The following SH3KBP1 variants were observed in gnomAD, a reference collection of about 807,000 sequenced individuals.
SH3KBP1 encodes the protein SH3 domain containing kinase binding protein 1, also known as SH3 domain-containing kinase-binding protein 1.
A neutral mutation model predicts 50.1 loss-of-function variants in SH3KBP1; 8 were observed. The observed-to-expected ratio is 0.16, with a 90% CI of 0.09 to 0.29. SH3KBP1 has a LOEUF of 0.29. Among genes scored for constraint, SH3KBP1 ranks in the 10% least tolerant of loss-of-function variants. SH3KBP1 has a pLI of 1.00. For missense variants in SH3KBP1, 377 were observed against 535.2 expected, an observed-to-expected ratio of 0.70 and a Z score of 2.92; for synonymous variants, 227 against 218.6, an observed-to-expected ratio of 1.04 and a Z score of -0.34.
At chrX:19,784,246 T>C (rs1005670429) in intron 2 of SH3KBP1, among the ~76,000 whole-genome samples, 2 of 112,102 alleles carry the variant, frequency 1.8e-5, no homozygotes, top group African/African-American at 6.5e-5. Context: ...CATGGTAAGA[T>C]TACCATTAAG....
intron 12 of SH3KBP1, among the ~76,000 whole-genome samples, chrX:19,583,125 CATTATTATTATTATTATT>C (rs200762944): frequency 0.019 from 1,797 of 95,119 alleles, 49 homozygotes; most frequent in African/African-American, 0.062. Flanking sequence ...TGCTAATACA[CATTATTATTATTATTATT>C]ATTATTATTA....
intron 1 of SH3KBP1, among the ~76,000 whole-genome samples, chrX:19,851,816 C>G (rs1024453184): frequency 8.9e-6 from 1 of 112,220 alleles, no homozygotes; most frequent in Non-Finnish European, 1.9e-5. Flanking sequence ...GGATTACAGG[C>G]ATGAGCCACC....
intron 2 of SH3KBP1, among the ~76,000 whole-genome samples, chrX:19,783,146 G>C (rs574816597): frequency 8.9e-6 from 1 of 111,744 alleles, no homozygotes; most frequent in South Asian, 3.7e-4. Flanking sequence ...TGACCATTGA[G>C]TCTCACTGAC....
At chrX:19,843,268 C>T (rs1036952110) in intron 1 of SH3KBP1, among the ~76,000 whole-genome samples, 4 of 109,874 alleles carry the variant, frequency 3.6e-5, no homozygotes, top group Non-Finnish European at 7.6e-5. Flanking sequence ...GATCTACCCA[C>T]CTCGGCCTCC....
chrX:19,707,574 C>T (rs1445804161), intron 3 of SH3KBP1, among the ~76,000 whole-genome samples: 1 of 111,257 alleles, frequency 9.0e-6, no homozygotes. Context: ...TGTCCTCTTC[C>T]CTCTGTCCCA....
chrX:19,774,659 AAAGAAAGAAAGAAAGAAAGAAAG>A (rs1569466400), intron 2 of SH3KBP1, among the ~76,000 whole-genome samples: 515 of 37,248 alleles, frequency 0.014, 8 homozygotes, highest in African/African-American at 0.019. Flanking sequence ...AAAAAAAAAG[AAAGAAAGAAAGAAAGAAAGAAAG>A]AAAGAAAGAA....
At chrX:19,798,180 G>A (rs1226973105) in intron 2 of SH3KBP1, among the ~76,000 whole-genome samples, 1 of 110,611 alleles carries the variant, frequency 9.0e-6, no homozygotes, top group African/African-American at 3.3e-5. Flanking sequence ...GACCTCCCAG[G>A]CTCAGTCAAT....
intron 4 of SH3KBP1, among the ~76,000 whole-genome samples, chrX:19,700,428 T>C (rs2063513057): frequency 8.9e-6 from 1 of 111,976 alleles, no homozygotes; most frequent in South Asian, 3.7e-4. Flanking sequence ...CAAACGCCCA[T>C]TGTAGCCAAC....
chrX:19,873,296 A>G (rs766159406), intron 1 of SH3KBP1, among the ~76,000 whole-genome samples: 17 of 99,878 alleles, frequency 1.7e-4, no homozygotes, highest in South Asian at 4.3e-4. Flanking sequence ...ATATGTATAT[A>G]TATATATATA....
At chrX:19,564,724 C>T (rs2065786957) in intron 13 of SH3KBP1, among the ~76,000 whole-genome samples, 1 of 112,106 alleles carries the variant, frequency 8.9e-6, no homozygotes. Flanking sequence ...CTCCAGGGAA[C>T]ACAAGTTGCA....
At chrX:19,625,831 C>T (rs1456808277) in intron 8 of SH3KBP1, among the ~76,000 whole-genome samples, 1 of 111,792 alleles carries the variant, frequency 8.9e-6, no homozygotes, top group Non-Finnish European at 1.9e-5. Context: ...ACTCCACCCG[C>T]AGTTACCACC....
At chrX:19,764,428 T>C (rs1179127452) in intron 2 of SH3KBP1, among the ~76,000 whole-genome samples, 1 of 111,457 alleles carries the variant, frequency 9.0e-6, no homozygotes, top group African/African-American at 3.3e-5. Flanking sequence ...AAATTTCCCC[T>C]GACTCTGACC....
intron 2 of SH3KBP1, among the ~76,000 whole-genome samples, chrX:19,793,649 C>A (rs1193437899): frequency 8.9e-6 from 1 of 111,743 alleles, no homozygotes; most frequent in Non-Finnish European, 1.9e-5. Flanking sequence ...TACTAATGAA[C>A]ACACACTTAG....
chrX:19,865,384 C>T (rs1482721609), intron 1 of SH3KBP1, among the ~76,000 whole-genome samples: 3 of 111,840 alleles, frequency 2.7e-5, no homozygotes, highest in African/African-American at 9.8e-5. Context: ...GTGGTAAGTA[C>T]CCTAAACCCA....
At chrX:19,649,849 G>C (rs1378925703) in intron 6 of SH3KBP1, among the ~76,000 whole-genome samples, 2 of 111,990 alleles carry the variant, frequency 1.8e-5, no homozygotes, top group African/African-American at 6.5e-5. Flanking sequence ...TGGAGTCCAG[G>C]GGAATCTAGT....
intron 1 of SH3KBP1, among the ~76,000 whole-genome samples, chrX:19,869,407 A>AAGCAGTTT (rs2068980011): frequency 8.9e-6 from 1 of 112,011 alleles, no homozygotes. Flanking sequence ...GAAGTGATGT[A>AAGCAGTTT]AGCAGTTTCC....
rs1008482988 is a variant in SH3KBP1, at chrX:19,535,285, T to C, written c.*1132A>G. On this transcript the variant is annotated 3_prime_UTR_variant, in exon 18 of 18. Transcript: ENST00000397821. ...CACTTCAACATGACCCTCCTCCCAT[T>C]CTCTTGGACCTGAGGAAGGGGTTAC... 4.2e-6 allele frequency: 1 copy of C among 235,360 alleles called. No homozygotes were observed. Among genetic ancestry groups the C allele is most frequent in the East Asian group, 6.4e-5 (1 of 15,646 alleles). The allele number at this position is 235,360 out of a possible 1,213,427, so 19.4% of individuals were successfully genotyped here.
intron 13 of SH3KBP1, among the ~76,000 whole-genome samples, chrX:19,555,845 G>C (rs991856570): frequency 9.0e-6 from 1 of 111,565 alleles, no homozygotes; most frequent in African/African-American, 3.3e-5. Flanking sequence ...CAACTGAGGC[G>C]TCTTCCAAGA....
At chrX:19,567,465 G>A (rs1399114866) in intron 13 of SH3KBP1, among the ~76,000 whole-genome samples, 1 of 83,334 alleles carries the variant, frequency 1.2e-5, no homozygotes, top group Non-Finnish European at 2.2e-5. Flanking sequence ...GTTGCAGTGA[G>A]CCGAGATCGT....
Sources: gnomAD v4.1 joint callset for allele counts (sites outside exome capture counted in the v4.1 genomes callset) on GRCh38, gnomAD v4.1.1 for gene constraint, MANE v1.5 for transcripts, NCBI Gene and HGNC (gene_info 2026-07-23, HGNC 2026-07-21) for gene names.